Variants in SLC26A7 observed in about 807,000 individuals in gnomAD.
SLC26A7 encodes solute carrier family 26 member 7, also known as anion exchange transporter.
Under a neutral mutation model 82.5 loss-of-function variants are expected in SLC26A7, and 59 were observed. The observed-to-expected ratio is 0.72, with a 90% CI of 0.58 to 0.89. The LOEUF is 0.89. Among genes scored for constraint, SLC26A7 ranks in the 40% least tolerant of loss-of-function variants. SLC26A7 has a pLI of 0.00. For synonymous variants in SLC26A7, 271 were observed against 274.3 expected (o/e 0.99, Z 0.12); for missense variants, 820 against 793.0 (o/e 1.03, Z -0.41).
intron 5 of SLC26A7, among the ~76,000 whole-genome samples, chr8:91,325,538 C>G (rs757754808): frequency 6.6e-6 from 1 of 151,994 alleles, no homozygotes; most frequent in Non-Finnish European, 1.5e-5. Context: ...AGTTGAAAGG[C>G]GTATTGCTTC....
intron 2 of SLC26A7, among the ~76,000 whole-genome samples, chr8:91,255,191 C>A (rs1469678039): frequency 6.6e-6 from 1 of 151,572 alleles, no homozygotes; most frequent in African/African-American, 2.4e-5. Flanking sequence ...CTTTTTTTTT[C>A]CCAAACCATG....
At chr8:91,368,520 G>A (rs530016226) in intron 14 of SLC26A7, among the ~76,000 whole-genome samples, 237 of 151,364 alleles carry the variant, frequency 1.6e-3, no homozygotes, top group Non-Finnish European at 2.5e-3. Flanking sequence ...CAGGGTTCAC[G>A]CCATTCTCCT....
chr8:91,339,653 T>C (rs1295323237), intron 7 of SLC26A7, among the ~76,000 whole-genome samples: 2 of 151,532 alleles, frequency 1.3e-5, no homozygotes, highest in Admixed American at 1.3e-4. Context: ...TATTTATTTA[T>C]TTATTTATTT....
intron 2 of SLC26A7, among the ~76,000 whole-genome samples, chr8:91,234,839 C>A (rs1005051984): frequency 1.8e-4 from 26 of 148,346 alleles, no homozygotes; most frequent in African/African-American, 2.7e-4. Flanking sequence ...TTCCTTCCTT[C>A]CTTCCTTCCT....
chr8:91,250,906 AT>A (rs1810639679), intron 2 of SLC26A7, among the ~76,000 whole-genome samples: 1 of 152,118 alleles, frequency 6.6e-6, no homozygotes, highest in Non-Finnish European at 1.5e-5. Flanking sequence ...TTTAATGACC[AT>A]TTTGCCAATA....
In SLC26A7 at chr8:91,239,395, AAT is replaced by A. The variant is rs1554600120; in HGVS notation, c.-33-10209_-33-10208del. Among the ~76,000 whole-genome samples, 145 of 94,860 alleles carry A rather than the reference AAT, an allele frequency of 1.5e-3. 3 individuals carry two copies. Among genetic ancestry groups the A allele is most frequent in the Middle Eastern group, 5.1e-3 (1 of 196 alleles). 62.2% of individuals were successfully genotyped at this position (94,860 alleles called of 152,430 possible). ...CGTCTCAAAAAAAAAAAAAAAAAAA[AAT>A]ATATATATATATATGTATATGTATA... On this transcript the variant is annotated intron_variant, in intron 2 of 5. Coordinates refer to the SLC26A7 transcript ENST00000522862.
chr8:91,366,581 A>C lies in SLC26A7; in HGVS notation c.1490A>C (p.Glu497Ala). The C allele has an allele frequency of 6.2e-7, 1 of 1,610,570 alleles. No individual in the cohort carries two copies. Among genetic ancestry groups the C allele is most frequent in the Non-Finnish European group, 8.5e-7 (1 of 1,179,204 alleles). ...GAATCTGTTTTTCTCCTCCAAAAGG[A>C]AACCCTGCAGCAGGTGAAAATTATC... Reference protein sequence around the residue: ...EFKVKTEMDSETLQQVKIISI... With the variant: ...EFKVKTEMDSATLQQVKIISI... Residue 497 changes from glutamate to alanine, a missense_variant and splice_region_variant, in exon 14 of 19, where the codon GAA becomes GCA. Physicochemically the swap from Glu to Ala is moderately radical, Grantham distance 107 (BLOSUM62 -1). Coordinates refer to ENST00000276609, the MANE Select transcript of SLC26A7 (RefSeq NM_052832.4).
chr8:91,267,790 C>T (rs1811155875), intron 2 of SLC26A7, among the ~76,000 whole-genome samples: 1 of 151,400 alleles, frequency 6.6e-6, no homozygotes, highest in East Asian at 1.9e-4. Flanking sequence ...TTTCCTTTTA[C>T]TAATTAGTGG....
chr8:91,224,485 T>C (rs568908059), intron 2 of SLC26A7, among the ~76,000 whole-genome samples: 1 of 152,266 alleles, frequency 6.6e-6, no homozygotes, highest in Non-Finnish European at 1.5e-5. Flanking sequence ...CTTCAGGCCT[T>C]ATTCATCTGA....
intron 11 of SLC26A7, among the ~76,000 whole-genome samples, chr8:91,358,812 G>A (rs754273362): frequency 2.2e-4 from 33 of 151,934 alleles, no homozygotes; most frequent in Non-Finnish European, 4.1e-4. Context: ...ACCATCATTC[G>A]CAGCAAACTA....
chr8:91,281,051 C>T (rs1811558810), intron 2 of SLC26A7, among the ~76,000 whole-genome samples: 2 of 152,120 alleles, frequency 1.3e-5, no homozygotes, highest in Admixed American at 1.3e-4. Context: ...CAATTTCTCC[C>T]ATTAGAAAAA....
At chr8:91,321,389 G>A (rs919366691) in intron 5 of SLC26A7, among the ~76,000 whole-genome samples, 2 of 152,174 alleles carry the variant, frequency 1.3e-5, no homozygotes, top group African/African-American at 4.8e-5. Flanking sequence ...AACACGCCCC[G>A]ACTCCAGCGA....
Position 91,366,630 on chromosome 8 carries a change from C to T in SLC26A7, c.1539C>T (p.Phe513=). The T allele has an allele frequency of 6.2e-7, 1 of 1,613,344 alleles. No individual in the cohort carries two copies. Among genetic ancestry groups the T allele is most frequent in the South Asian group, 1.1e-5 (1 of 90,980 alleles). ...KIISINNPLV[F]LNAKKFYTDL... ...TCTCAATAAACAACCCGCTTGTTTT[C>T]CTGAATGCAAAAAAATTTTATACTG... Residue 513 remains phenylalanine (F), a synonymous_variant, in exon 14 of 19, where the codon TTC becomes TTT. Coordinates refer to ENST00000276609, the MANE Select transcript of SLC26A7 (RefSeq NM_052832.4).
At chr8:91,390,037 T>G (rs1814912170) in intron 16 of SLC26A7, among the ~76,000 whole-genome samples, 1 of 151,952 alleles carries the variant, frequency 6.6e-6, no homozygotes, top group African/African-American at 2.4e-5. Flanking sequence ...TTTCCACAGA[T>G]GGAAGAACAC....
At chr8:91,334,090 A>G (rs1368970135) in intron 5 of SLC26A7, among the ~76,000 whole-genome samples, 1 of 152,174 alleles carries the variant, frequency 6.6e-6, no homozygotes, top group Non-Finnish European at 1.5e-5. Flanking sequence ...CCTGAGTTTG[A>G]TGAAAGAATC....
chr8:91,358,668 A>G (rs903438494), intron 11 of SLC26A7, among the ~76,000 whole-genome samples: 3 of 152,124 alleles, frequency 2.0e-5, no homozygotes, highest in Non-Finnish European at 2.9e-5. Flanking sequence ...CACAATAGCA[A>G]AGACTTGGAA....
intron 5 of SLC26A7, among the ~76,000 whole-genome samples, chr8:91,324,401 G>A (rs1303776474): frequency 1.3e-5 from 2 of 152,164 alleles, no homozygotes; most frequent in East Asian, 1.9e-4. Flanking sequence ...AAGTTGGGGT[G>A]GGGAGAGGGC....
At chr8:91,298,151 A>G (rs1366876008) in intron 4 of SLC26A7, among the ~76,000 whole-genome samples, 1 of 152,172 alleles carries the variant, frequency 6.6e-6, no homozygotes, top group African/African-American at 2.4e-5. Context: ...TTCTGTTATT[A>G]CATAATAAGG....
At position 91,295,587 on chromosome 8, in the gene SLC26A7, C is replaced by G; in HGVS notation, c.361C>G (p.Gln121Glu). ...SANAVERIVPQNMQNLTTQSN... is the reference protein window; with the variant it reads ...SANAVERIVPENMQNLTTQSN... ...CAACGCCGTGGAACGGATTGTCCCTCAGAACATGCAGAATCTCACCACACA... is the reference window on the plus strand; with the variant it reads ...CAACGCCGTGGAACGGATTGTCCCTGAGAACATGCAGAATCTCACCACACA... The change falls in exon 4 of 19, where the codon CAG becomes GAG. Residue 121 changes from glutamine (Q) to glutamate (E), a missense_variant. By Grantham distance (29) the Gln-to-Glu change is conservative (BLOSUM62 2). Transcript: ENST00000276609. 1.9e-6 allele frequency: 3 copies of G among 1,614,086 alleles called. No homozygotes were observed. The South Asian group carries it at 3.3e-5, about 18-fold the overall frequency.
Sources: allele counts gnomAD v4.1 joint callset (sites outside exome capture counted in the v4.1 genomes callset), GRCh38; gene constraint gnomAD v4.1.1; transcripts MANE v1.5; gene names NCBI Gene and HGNC (gene_info 2026-07-23, HGNC 2026-07-21).